Variants in SORL1 observed in about 807,000 individuals in gnomAD.
The protein encoded by SORL1 is sortilin-related receptor.
Under a neutral mutation model 273.7 loss-of-function variants are expected in SORL1, and 127 were observed. The observed-to-expected ratio is 0.46, with a 90% CI of 0.40 to 0.54. SORL1 has a LOEUF of 0.54. Ranked by LOEUF, SORL1 falls within the 20% of genes least tolerant of loss-of-function variation. SORL1 has a pLI of 0.00. For missense variants in SORL1, 2,494 were observed against 2,846.1 expected (o/e 0.88, Z 2.81); for synonymous variants, 1,031 against 1,067.4 (o/e 0.97, Z 0.66).
chr11:121,512,314 A>G (rs1861891978), intron 6 of SORL1, among the ~76,000 whole-genome samples: 1 of 152,226 alleles, frequency 6.6e-6, no homozygotes, highest in African/African-American at 2.4e-5. Flanking sequence ...CTCAGTTGGT[A>G]GAGCTAGCTC....
chr11:121,537,195 G>C (rs374279387), intron 12 of SORL1, among the ~76,000 whole-genome samples: 4 of 152,212 alleles, frequency 2.6e-5, no homozygotes, highest in South Asian at 4.1e-4. Flanking sequence ...TATCTATGTA[G>C]AGGCCAGGTC....
intron 21 of SORL1, among the ~76,000 whole-genome samples, chr11:121,565,606 A>G (rs542980783): frequency 3.9e-5 from 6 of 152,326 alleles, no homozygotes; most frequent in African/African-American, 1.2e-4. Flanking sequence ...AGAATTAGCA[A>G]TTGAGTTTTA....
intron 8 of SORL1, among the ~76,000 whole-genome samples, chr11:121,514,587 C>T (rs572093749): frequency 2.0e-5 from 3 of 152,206 alleles, no homozygotes; most frequent in East Asian, 3.9e-4. Flanking sequence ...ATTTAGGGTC[C>T]GAGCTACTGT....
intron 25 of SORL1, among the ~76,000 whole-genome samples, chr11:121,579,481 G>A (rs528794096): frequency 5.3e-5 from 8 of 152,212 alleles, no homozygotes; most frequent in East Asian, 1.9e-4. Context: ...TACTTTCCAC[G>A]AGGCTGTTTC....
At chr11:121,533,483 A>G (rs1862229532) in intron 12 of SORL1, among the ~76,000 whole-genome samples, 1 of 152,180 alleles carries the variant, frequency 6.6e-6, no homozygotes, top group Admixed American at 6.5e-5. Context: ...TGATTTTATC[A>G]GAACCAGTCC....
At chr11:121,477,804 C>G (rs180768516) in intron 2 of SORL1, among the ~76,000 whole-genome samples, 19 of 151,934 alleles carry the variant, frequency 1.3e-4, no homozygotes, top group African/African-American at 3.9e-4. Flanking sequence ...CCAAGGCAGG[C>G]GGATCACAAG....
chr11:121,596,461 C>T lies in SORL1; in HGVS notation c.4519+689C>T, dbSNP rs918136193. Among the ~76,000 whole-genome samples, 4 of 152,204 alleles carry T rather than the reference C, an allele frequency of 2.6e-5. No individual in the cohort carries two copies. The South Asian group carries it at 6.2e-4, about 24-fold the overall frequency. On this transcript the variant is annotated intron_variant, in intron 32 of 47. Coordinates refer to ENST00000260197, the MANE Select transcript of SORL1 (RefSeq NM_003105.6). The surrounding 1 kb of genome is among the most constrained non-coding windows in gnomAD (Gnocchi z 4.3). ...CAGCGCTTTTCAGTCCCTGGCTGCA[C>T]GCTAATGCCGCCGTTGGCTGGTCTG...
intron 39 of SORL1, chr11:121,612,482 CT>C (rs1863580323): frequency 3.1e-6 from 1 of 322,990 alleles, no homozygotes; most frequent in South Asian, 4.1e-5. Flanking sequence ...TCTTCATTCA[CT>C]TTTTTGTTTC....
At chr11:121,593,193 T>C (rs1863242638) in intron 31 of SORL1, among the ~76,000 whole-genome samples, 1 of 152,230 alleles carries the variant, frequency 6.6e-6, no homozygotes, top group Non-Finnish European at 1.5e-5. Flanking sequence ...TCCCCCTTTT[T>C]ATTTTTTATC....
intron 24 of SORL1, among the ~76,000 whole-genome samples, chr11:121,575,129 T>G (rs767829989): frequency 1.9e-4 from 29 of 152,194 alleles, no homozygotes; most frequent in Non-Finnish European, 4.1e-4. Context: ...AATTTCTACT[T>G]TCTAAAGTGA....
At chr11:121,619,989 A>C (rs1036266440) in intron 43 of SORL1, 72 bp downstream of exon 43, 17 of 1,235,190 alleles carry the variant, frequency 1.4e-5, no homozygotes, top group Admixed American at 1.2e-4. Context: ...ATGGAAGGGG[A>C]TCCTCTAATG....
intron 21 of SORL1, chr11:121,566,661 G>A (rs528729769): frequency 3.9e-5 from 14 of 356,798 alleles, no homozygotes; most frequent in African/African-American, 2.1e-4. Context: ...TTGCTTTCTT[G>A]TCTTTCAGTG....
intron 7 of SORL1, among the ~76,000 whole-genome samples, chr11:121,513,561 A>G (rs1183005687): frequency 6.6e-6 from 1 of 152,218 alleles, no homozygotes; most frequent in East Asian, 1.9e-4. Flanking sequence ...ATGCTTAAAT[A>G]TGCAGCTTTA....
chr11:121,478,335 C>CT (rs1861313831), intron 3 of SORL1, 92 bp downstream of exon 3: 1 of 1,388,700 alleles, frequency 7.2e-7, no homozygotes, highest in Non-Finnish European at 9.7e-7. Context: ...AGATGGCGCT[C>CT]TCTGTGATCT....
chr11:121,527,404 T>C (rs1257818105), intron 11 of SORL1, among the ~76,000 whole-genome samples: 1 of 152,280 alleles, frequency 6.6e-6, no homozygotes, highest in Admixed American at 6.5e-5. Context: ...TTTGCTAATA[T>C]TTTGTTAAAG....
At chr11:121,548,061 G>A (rs1292160742) in intron 14 of SORL1, among the ~76,000 whole-genome samples, 1 of 152,122 alleles carries the variant, frequency 6.6e-6, no homozygotes, top group Non-Finnish European at 1.5e-5. Flanking sequence ...ATTCTTGACT[G>A]CAACCCCTAG....
In SORL1 at chr11:121,632,817, G is replaced by C. The variant is rs1863892814; in HGVS notation, c.*3254G>C. 1 of 152,076 alleles carries C rather than the reference G, an allele frequency of 6.6e-6. No homozygotes were observed. Among genetic ancestry groups the C allele is most frequent in the African/African-American group, 2.4e-5 (1 of 41,400 alleles). The allele number at this position is 152,076 out of a possible 1,614,324, so 9.4% of individuals were successfully genotyped here. On this transcript the variant is annotated 3_prime_UTR_variant, in exon 48 of 48. Coordinates refer to ENST00000260197, the MANE Select transcript of SORL1 (RefSeq NM_003105.6). ...TTAGGGCAGAAACACCATCCTATCA[G>C]GTTTGGTCAGTCCCTTCTTCATGAA...
Position 121,473,894 on chromosome 11 carries a change from CA to C in SORL1, c.402+3782del, listed in dbSNP as rs369639193. Among the ~76,000 whole-genome samples, 942 of 136,818 alleles carry C rather than the reference CA, an allele frequency of 6.9e-3. 12 individuals are homozygous for C. Among genetic ancestry groups the C allele is most frequent in the African/African-American group, 0.021 (795 of 37,134 alleles). 89.8% of individuals were successfully genotyped at this position (136,818 alleles called of 152,430 possible). On this transcript the variant is annotated intron_variant, in intron 2 of 47. Coordinates refer to ENST00000260197, the MANE Select transcript of SORL1 (RefSeq NM_003105.6). The stretch of plus-strand genomic sequence containing the variant: ...TGGGTGACAGAGTGAGACCCTGTCT[CA>C]AAAAAAAAAAGAAAAAAAGAAAAGA...
At chr11:121,478,342 A>G in intron 3 of SORL1, 99 bp downstream of exon 3, 3 of 1,346,486 alleles carry the variant, frequency 2.2e-6, no homozygotes, top group Non-Finnish European at 3.0e-6. Flanking sequence ...GCTCTCTGTG[A>G]TCTTTGTAGC....
Sources: allele counts gnomAD v4.1 joint callset (sites outside exome capture counted in the v4.1 genomes callset), GRCh38; gene constraint gnomAD v4.1.1; non-coding constraint Gnocchi (gnomAD v3.1); transcripts MANE v1.5; gene names NCBI Gene and HGNC (gene_info 2026-07-23, HGNC 2026-07-21).